Variants in SLC38A1 observed in about 807,000 individuals in gnomAD.
SLC38A1 encodes sodium-coupled neutral amino acid symporter 1.
SLC38A1 carries 18 observed loss-of-function variants against 60.3 expected under a neutral mutation model. The observed-to-expected ratio is 0.30, with a 90% CI of 0.21 to 0.44. SLC38A1 has a LOEUF of 0.44. SLC38A1 is among the 20% of genes least tolerant of loss of function. The pLI is 1.00. For synonymous variants in SLC38A1, 196 were observed against 212.1 expected (o/e 0.92, Z 0.66); for missense variants, 448 against 587.2 (o/e 0.76, Z 2.45).
chr12:46,189,850 C>T (rs1198345859), intron 16 of SLC38A1, among the ~76,000 whole-genome samples: 1 of 152,106 alleles, frequency 6.6e-6, no homozygotes, highest in African/African-American at 2.4e-5. Context: ...CCTTGTTTGC[C>T]CTCCGCTATG....
intron 11 of SLC38A1, 24 bp from the exon 12 acceptor site, chr12:46,203,113 A>T: frequency 6.3e-7 from 1 of 1,588,004 alleles, no homozygotes; most frequent in East Asian, 2.2e-5. Flanking sequence ...AAGAATAGAC[A>T]TTAGGAAAAA....
chr12:46,260,108 G>A (rs948767971), intron 1 of SLC38A1, among the ~76,000 whole-genome samples: 11 of 152,104 alleles, frequency 7.2e-5, no homozygotes, highest in Admixed American at 4.6e-4. Flanking sequence ...TTAGAACAGC[G>A]TCTGGCCCGG....
chr12:46,260,417 A>G (rs1213178379), intron 1 of SLC38A1, among the ~76,000 whole-genome samples: 1 of 152,092 alleles, frequency 6.6e-6, no homozygotes, highest in Admixed American at 6.5e-5. Flanking sequence ...ATGAAATAGG[A>G]TCTCCCTCAT....
At chr12:46,228,644 T>A (rs1940956232) in intron 5 of SLC38A1, among the ~76,000 whole-genome samples, 1 of 152,196 alleles carries the variant, frequency 6.6e-6, no homozygotes, top group African/African-American at 2.4e-5. Flanking sequence ...AAAAAGAAAA[T>A]TGCCCATTTT....
chr12:46,201,367 T>G (rs1428512877), intron 12 of SLC38A1, among the ~76,000 whole-genome samples, 169 bp from the exon 13 acceptor site: 1 of 152,230 alleles, frequency 6.6e-6, no homozygotes. Context: ...TCTCTTATAC[T>G]GAATTGGTAT....
At chr12:46,229,717 T>A in intron 3 of SLC38A1, 78 bp from the exon 4 acceptor site, 2 of 1,248,204 alleles carry the variant, frequency 1.6e-6, no homozygotes, top group Non-Finnish European at 2.3e-6. Context: ...GATATGTTAC[T>A]CATCAAAACA....
chr12:46,232,520 C>A (rs1020831158), intron 3 of SLC38A1, among the ~76,000 whole-genome samples: 1 of 152,218 alleles, frequency 6.6e-6, no homozygotes, highest in African/African-American at 2.4e-5. Flanking sequence ...TTGAATCTTT[C>A]CACAGAACTA....
At position 46,185,022 on chromosome 12, in the gene SLC38A1, C is replaced by T. The variant is rs1382499589; in HGVS notation, c.*3948G>A. On this transcript the variant is annotated 3_prime_UTR_variant, in exon 17 of 17. Coordinates refer to ENST00000398637, the MANE Select transcript of SLC38A1 (RefSeq NM_030674.4). Reference sequence around the variant, plus strand: ...CCCTGCCGCCAGGCTCCTTTCCTCCCCTCCCTAAAGCCTGGCTCCTGTATG... The same window carrying T: ...CCCTGCCGCCAGGCTCCTTTCCTCCTCTCCCTAAAGCCTGGCTCCTGTATG... 6.6e-6 allele frequency: 1 copy of T among 152,168 alleles called. No homozygotes were observed. The highest frequency in any genetic ancestry group is 1.5e-5 in the Non-Finnish European group (1 of 68,044). The allele number at this position is 152,168 out of a possible 1,614,324, so 9.4% of individuals were successfully genotyped here.
At chr12:46,262,557 A>C (rs1681987218) in intron 1 of SLC38A1, among the ~76,000 whole-genome samples, 1 of 152,204 alleles carries the variant, frequency 6.6e-6, no homozygotes, top group Admixed American at 6.5e-5. Flanking sequence ...CTTGAGAAAA[A>C]TCTCTTTATT....
chr12:46,210,098 G>A (rs542066928), intron 5 of SLC38A1, among the ~76,000 whole-genome samples: 9 of 152,102 alleles, frequency 5.9e-5, no homozygotes, highest in Admixed American at 4.6e-4. Flanking sequence ...ACATCATGCC[G>A]TTCGCTCTGC....
intron 5 of SLC38A1, among the ~76,000 whole-genome samples, chr12:46,220,143 C>T (rs553463766): frequency 1.2e-4 from 18 of 152,346 alleles, no homozygotes; most frequent in South Asian, 4.1e-4. Flanking sequence ...TCATTGTTAA[C>T]GCAATGCTAA....
At chr12:46,209,460 G>C (rs1477844793) in intron 5 of SLC38A1, among the ~76,000 whole-genome samples, 1 of 152,144 alleles carries the variant, frequency 6.6e-6, no homozygotes, top group Non-Finnish European at 1.5e-5. Flanking sequence ...TGTTACATCC[G>C]GGTGAGAAAG....
intron 3 of SLC38A1, among the ~76,000 whole-genome samples, chr12:46,233,221 C>T (rs1036321532): frequency 1.3e-4 from 20 of 151,966 alleles, no homozygotes; most frequent in African/African-American, 4.8e-4. Flanking sequence ...TGGAGTCTTG[C>T]TATGTTGCCC....
intron 5 of SLC38A1, among the ~76,000 whole-genome samples, chr12:46,228,886 A>T (rs745403541): frequency 2.0e-5 from 3 of 152,346 alleles, no homozygotes; most frequent in Middle Eastern, 6.8e-3. Context: ...TACCAAAAAA[A>T]GTTATTTTCA....
Position 46,268,753 on chromosome 12 carries a change from G to A in SLC38A1, c.-436C>T. 1 of 318,788 alleles carries A rather than the reference G, an allele frequency of 3.1e-6. No individual in the cohort carries two copies. Among genetic ancestry groups the A allele is most frequent in the African/African-American group, 2.2e-5 (1 of 46,208 alleles). The allele number at this position is 318,788 out of a possible 1,614,324, so 19.7% of individuals were successfully genotyped here. On this transcript the variant is annotated 5_prime_UTR_variant, in exon 1 of 17. Coordinates refer to ENST00000398637, the MANE Select transcript of SLC38A1 (RefSeq NM_030674.4). The surrounding 1 kb of genome is among the most constrained non-coding windows in gnomAD (Gnocchi z 4.4). ...TGGCGACCTTCTGGCGGAGTGGCGTGGCCGCCCCAGTCCGCGCTCGCCTGG... is the reference window on the plus strand; with the variant it reads ...TGGCGACCTTCTGGCGGAGTGGCGTAGCCGCCCCAGTCCGCGCTCGCCTGG...
chr12:46,249,686 C>T (rs1437837497), intron 1 of SLC38A1, among the ~76,000 whole-genome samples: 1 of 152,090 alleles, frequency 6.6e-6, no homozygotes, highest in Admixed American at 6.5e-5. Flanking sequence ...ATACAAACTA[C>T]CATCAGAGAA....
At chr12:46,193,502 CGTT>C (rs1427238509) in intron 16 of SLC38A1, among the ~76,000 whole-genome samples, 5 of 152,086 alleles carry the variant, frequency 3.3e-5, no homozygotes, top group Admixed American at 2.0e-4. Flanking sequence ...CCTTCTGTCT[CGTT>C]GATCTGTCTA....
intron 16 of SLC38A1, among the ~76,000 whole-genome samples, chr12:46,192,392 C>T (rs202012220): frequency 6.6e-6 from 1 of 152,012 alleles, no homozygotes; most frequent in Non-Finnish European, 1.5e-5. Flanking sequence ...GCCTAAAATT[C>T]TCTTTTTTTG....
At chr12:46,207,682 C>G in intron 6 of SLC38A1, 61 bp from the exon 7 acceptor site, 5 of 1,477,324 alleles carry the variant, frequency 3.4e-6, no homozygotes, top group Non-Finnish European at 4.7e-6. Context: ...TTAAAATAGT[C>G]AAGATTTTGT....
Sources: allele counts gnomAD v4.1 joint callset (sites outside exome capture counted in the v4.1 genomes callset), GRCh38; gene constraint gnomAD v4.1.1; non-coding constraint Gnocchi (gnomAD v3.1); transcripts MANE v1.5; gene names NCBI Gene and HGNC (gene_info 2026-07-23, HGNC 2026-07-21).